LPAR6: variants seen among roughly 807,000 people sequenced by gnomAD.
LPAR6 encodes the protein G-protein coupled purinergic receptor P2Y5.
A neutral mutation model predicts 22.0 loss-of-function variants in LPAR6; 17 were observed. The observed-to-expected ratio is 0.77, with a 90% CI of 0.53 to 1.16. The LOEUF is 1.16. LPAR6 is among the 50% of genes most tolerant of loss of function. LPAR6 has a pLI of 0.00. For missense variants in LPAR6, 384 were observed against 406.9 expected (o/e 0.94, Z 0.48); for synonymous variants, 136 against 139.8 (o/e 0.97, Z 0.19).
chr13:48,417,407 GA>G (rs1178187816), upstream of LPAR6: 1 of 152,158 alleles, frequency 6.6e-6, no homozygotes, highest in East Asian at 1.9e-4. Flanking sequence ...CTTCCACACA[GA>G]AACCCCATTT....
chr13:48,441,059 T>G (rs1949231988), intron 1 of LPAR6, among the ~76,000 whole-genome samples: 1 of 152,242 alleles, frequency 6.6e-6, no homozygotes, highest in Non-Finnish European at 1.5e-5. Flanking sequence ...CTGTTCAGTC[T>G]GCTTTAACAA....
chr13:48,405,716 C>T (rs1359004296), intron 1 of LPAR6, among the ~76,000 whole-genome samples: 1 of 152,116 alleles, frequency 6.6e-6, no homozygotes, highest in African/African-American at 2.4e-5. Context: ...TTCCCAAAGT[C>T]GTAACTATAC....
In LPAR6 at chr13:48,412,584, G is replaced by C. The variant is rs1593484908; in HGVS notation, c.-161C>G. Reference sequence around the variant, plus strand: ...TCCTTTTTCTCAGAAATACCCAAAAGAAACATGAAATTTGTTGCTGTAAAA... The same window carrying C: ...TCCTTTTTCTCAGAAATACCCAAAACAAACATGAAATTTGTTGCTGTAAAA... On this transcript the variant is annotated 5_prime_UTR_variant, in exon 1 of 1. Coordinates refer to ENST00000620633, the MANE Select transcript of LPAR6 (RefSeq NM_001162498.3). 8 of 642,392 alleles carry C rather than the reference G, an allele frequency of 1.2e-5. No homozygotes were observed. The East Asian group carries it at 2.2e-4, about 18-fold the overall frequency. The allele number at this position is 642,392 out of a possible 1,614,324, so 39.8% of individuals were successfully genotyped here.
At chr13:48,435,998 C>A (rs1243091036) in intron 1 of LPAR6, among the ~76,000 whole-genome samples, 2 of 152,100 alleles carry the variant, frequency 1.3e-5, no homozygotes, top group African/African-American at 4.8e-5. Flanking sequence ...CAACTCTATG[C>A]TATCTAAAAG....
intron 1 of LPAR6, among the ~76,000 whole-genome samples, chr13:48,398,870 GT>G (rs1384071157): frequency 3.3e-5 from 5 of 152,092 alleles, no homozygotes; most frequent in African/African-American, 4.8e-5. Context: ...CAAGGGAAGT[GT>G]TTTGCCTAGG....
upstream of LPAR6, among the ~76,000 whole-genome samples, chr13:48,414,654 CTT>C (rs34614843): frequency 0.19 from 29,335 of 151,818 alleles, 3,159 homozygotes; most frequent in South Asian, 0.26. Context: ...TTAAAAATAA[CTT>C]ATTACAGTAA....
chr13:48,414,342 CA>C (rs199626771), upstream of LPAR6, among the ~76,000 whole-genome samples: 7,889 of 93,016 alleles, frequency 0.085, 395 homozygotes, highest in African/African-American at 0.19. Context: ...GAGACTATCT[CA>C]AAAAAAAAAA....
At chr13:48,415,749 G>T (rs1358528410), upstream of LPAR6, 1 of 152,194 alleles carries the variant, frequency 6.6e-6, no homozygotes, top group Non-Finnish European at 1.5e-5. Context: ...GCTGATGAAT[G>T]AATCATAAAC....
chr13:48,435,611 G>A (rs1174272113), intron 1 of LPAR6, among the ~76,000 whole-genome samples: 2 of 151,916 alleles, frequency 1.3e-5, no homozygotes, highest in African/African-American at 2.4e-5. Context: ...TATGGATTAT[G>A]CTTTTGGTGT....
At chr13:48,425,511 A>G (rs1022857972) in intron 1 of LPAR6, among the ~76,000 whole-genome samples, 1 of 152,214 alleles carries the variant, frequency 6.6e-6, no homozygotes, top group African/African-American at 2.4e-5. Context: ...TAGACGCTGC[A>G]AAGTGTAATG....
At chr13:48,420,613 A>T (rs1382445419) in intron 2 of LPAR6, among the ~76,000 whole-genome samples, 1 of 152,188 alleles carries the variant, frequency 6.6e-6, no homozygotes, top group South Asian at 2.1e-4. Flanking sequence ...GTTTGCAGAG[A>T]CAATGATTGT....
In LPAR6 at chr13:48,433,682, AT is replaced by A. The variant is rs10665957; in HGVS notation, c.-1473-9564del. 1.2e-4 allele frequency among the ~76,000 whole-genome samples: 17 copies of A among 147,184 alleles called. No homozygotes were observed. In the South Asian group the frequency reaches 2.1e-3, roughly 18 times the overall value. ...TTTGTTTTACTGTTAACAAAAATGC[AT>A]TTTTTTTTTTTTACCTTTAGTAGGT... On this transcript the variant is annotated intron_variant, in intron 1 of 6. Coordinates refer to the LPAR6 transcript ENST00000378434.
chr13:48,392,467 T>C (rs1015075495), intron 1 of LPAR6, among the ~76,000 whole-genome samples: 1 of 152,174 alleles, frequency 6.6e-6, no homozygotes, highest in African/African-American at 2.4e-5. Flanking sequence ...TATTTCATGT[T>C]GAATACCTTC....
chr13:48,410,852 G>A (rs1011825503), downstream of LPAR6, among the ~76,000 whole-genome samples: 1 of 152,160 alleles, frequency 6.6e-6, no homozygotes, highest in Middle Eastern at 3.4e-3. Context: ...ATGTTAATAT[G>A]TCATCATTTC....
At position 48,411,286 on chromosome 13, in the gene LPAR6, G is replaced by A; in HGVS notation, c.*103C>T. The A allele has an allele frequency of 2.1e-6, 2 of 932,534 alleles. No homozygotes were observed. The highest frequency in any genetic ancestry group is 1.3e-5 in the South Asian group (1 of 76,116). 57.8% of individuals were successfully genotyped at this position (932,534 alleles called of 1,614,324 possible). ...ACTAAAGACTTTAAAATGTCCATGTGTTAATTTCTTTTGGAGGTGGAAAAA... is the reference window on the plus strand; with the variant it reads ...ACTAAAGACTTTAAAATGTCCATGTATTAATTTCTTTTGGAGGTGGAAAAA... On this transcript the variant is annotated 3_prime_UTR_variant, in exon 1 of 1. Transcript: ENST00000620633.
At chr13:48,393,638 A>G (rs1289476321) in intron 1 of LPAR6, among the ~76,000 whole-genome samples, 1 of 152,200 alleles carries the variant, frequency 6.6e-6, no homozygotes, top group African/African-American at 2.4e-5. Context: ...ATGTACACTT[A>G]CAGAATATTT....
intron 1 of LPAR6, among the ~76,000 whole-genome samples, chr13:48,439,138 A>G (rs1949212233): frequency 6.6e-6 from 1 of 152,200 alleles, no homozygotes; most frequent in African/African-American, 2.4e-5. Flanking sequence ...AGTTTTAGAA[A>G]CAGGTAGACT....
chr13:48,424,512 AAG>A (rs1362449399), intron 1 of LPAR6, among the ~76,000 whole-genome samples: 1 of 152,206 alleles, frequency 6.6e-6, no homozygotes, highest in African/African-American at 2.4e-5. Flanking sequence ...AAAGGAAATC[AAG>A]AGGAGTGAAA....
At chr13:48,396,675 C>T (rs1323303862) in intron 1 of LPAR6, among the ~76,000 whole-genome samples, 1 of 152,160 alleles carries the variant, frequency 6.6e-6, no homozygotes, top group Non-Finnish European at 1.5e-5. Context: ...AGAGCTTCTG[C>T]ACAGCAAAAG....
Sources: allele counts gnomAD v4.1 joint callset (sites outside exome capture counted in the v4.1 genomes callset), GRCh38; gene constraint gnomAD v4.1.1; transcripts MANE v1.5; gene names NCBI Gene and HGNC (gene_info 2026-07-23, HGNC 2026-07-21).